Variants in RBM33 observed in about 807,000 individuals in gnomAD.
The protein encoded by RBM33 is RNA-binding protein 33.
In RBM33, 28 loss-of-function variants were observed where a neutral mutation model predicts 132.6. The observed-to-expected ratio is 0.21, with a 90% CI of 0.16 to 0.29. RBM33 has a LOEUF of 0.29. Among genes scored for constraint, RBM33 ranks in the 10% least tolerant of loss-of-function variants. RBM33 has a pLI of 1.00. For synonymous variants in RBM33, 634 were observed against 593.0 expected (o/e 1.07, Z -1.01); for missense variants, 1,291 against 1,518.5 (o/e 0.85, Z 2.49).
rs142890056 is a variant in RBM33 at position 155,726,183 on chromosome 7, A to G, written c.1260+7740A>G. 2.8e-3 allele frequency among the ~76,000 whole-genome samples: 421 copies of G among 152,350 alleles called. 1 individual carries two copies. The highest frequency in any genetic ancestry group is 0.01 in the Middle Eastern group (3 of 294). ...ATCTTGTAGAGATTGGTTGTAATGT[A>G]TTGAAAGATTCATGAAGTTTCAATG... is the stretch of plus-strand genomic sequence containing the variant. On this transcript the variant is annotated intron_variant, in intron 9 of 17. Transcript: ENST00000401878.
At chr7:155,703,089 CT>C (rs752838812) in intron 6 of RBM33, among the ~76,000 whole-genome samples, 6 of 152,128 alleles carry the variant, frequency 3.9e-5, no homozygotes, top group Non-Finnish European at 7.3e-5. Flanking sequence ...TTCATTGTCC[CT>C]CCACCCAACC....
At chr7:155,751,883 G>A (rs189568140) in intron 14 of RBM33, among the ~76,000 whole-genome samples, 12 of 152,318 alleles carry the variant, frequency 7.9e-5, no homozygotes, top group Admixed American at 7.2e-4. Context: ...AGCAGGCACT[G>A]AAGTTTTTCT....
intron 1 of RBM33, among the ~76,000 whole-genome samples, chr7:155,663,404 G>T (rs1798709921): frequency 6.6e-6 from 1 of 151,882 alleles, no homozygotes; most frequent in African/African-American, 2.4e-5. Flanking sequence ...TTTACTCATG[G>T]TGGAAGGCCA....
At chr7:155,743,290 G>A (rs946879093) in intron 13 of RBM33, among the ~76,000 whole-genome samples, 2 of 152,208 alleles carry the variant, frequency 1.3e-5, no homozygotes, top group African/African-American at 4.8e-5. Flanking sequence ...AGTGTATATA[G>A]CCAGCTCCTA....
chr7:155,700,988 A>C (rs1465034065), intron 6 of RBM33, 44 bp downstream of exon 6: 7 of 1,472,090 alleles, frequency 4.8e-6, no homozygotes, highest in Non-Finnish European at 6.6e-6. Context: ...CTCTCATTTC[A>C]ACTTCCTCCA....
At chr7:155,692,898 A>G (rs1040340631) in intron 5 of RBM33, among the ~76,000 whole-genome samples, 15 of 152,230 alleles carry the variant, frequency 9.9e-5, no homozygotes, top group Non-Finnish European at 1.9e-4. Flanking sequence ...AATGGAACCA[A>G]TGTATAAAAG....
At chr7:155,681,992 C>G (rs1428703187) in intron 5 of RBM33, among the ~76,000 whole-genome samples, 1 of 151,896 alleles carries the variant, frequency 6.6e-6, no homozygotes, top group African/African-American at 2.4e-5. Context: ...GCGATCTCCA[C>G]TCACTGCAAC....
chr7:155,745,907 G>C lies in RBM33; in HGVS notation c.2979+305G>C, dbSNP rs1212601585. Reference sequence around the variant, plus strand: ...ACAGCCTGTTGCTCCCTGGCCACAAGCCTGTGCAGCATGTTACTGTGCTGA... The same window carrying C: ...ACAGCCTGTTGCTCCCTGGCCACAACCCTGTGCAGCATGTTACTGTGCTGA... On this transcript the variant is annotated intron_variant, in intron 14 of 17. Transcript: ENST00000401878. The surrounding 1 kb of genome is among the most constrained non-coding windows in gnomAD (Gnocchi z 4.1). Among the ~76,000 whole-genome samples the C allele has an allele frequency of 1.3e-5, 2 of 152,206 alleles. No homozygotes were observed. The highest frequency in any genetic ancestry group is 2.9e-5 in the Non-Finnish European group (2 of 68,034).
At position 155,768,129 on chromosome 7, in the gene RBM33, C is replaced by T. The variant is rs79439757; in HGVS notation, c.3375+1474C>T. 9.8e-5 allele frequency among the ~76,000 whole-genome samples: 15 copies of T among 152,302 alleles called. No individual in the cohort carries two copies. The East Asian group carries it at 2.7e-3, about 27-fold the overall frequency. ...GTTGCACTGTTGTTTTCATATGTCACCTGCTACTTTTGTGGACTTTGCTTC... is the reference window on the plus strand; with the variant it reads ...GTTGCACTGTTGTTTTCATATGTCATCTGCTACTTTTGTGGACTTTGCTTC... On this transcript the variant is annotated intron_variant, in intron 16 of 17. Transcript: ENST00000401878.
chr7:155,724,993 TGTGTGTGTGTGTGTGTGTGTGTGTGTG>T (rs1800745393), intron 9 of RBM33, among the ~76,000 whole-genome samples: 2 of 94,896 alleles, frequency 2.1e-5, no homozygotes, highest in African/African-American at 8.1e-5. Flanking sequence ...TACAGGTTTG[TGTGTGTGTGTGTGTGTGTGTGTGTGTG>T]TGTGTGTGTG....
intron 9 of RBM33, among the ~76,000 whole-genome samples, chr7:155,721,610 A>T (rs1035084888): frequency 6.6e-6 from 1 of 152,084 alleles, no homozygotes; most frequent in African/African-American, 2.4e-5. Flanking sequence ...TTTGCTATTT[A>T]TGCTTAGTTT....
At chr7:155,725,776 C>G (rs1188603005) in intron 9 of RBM33, among the ~76,000 whole-genome samples, 10 of 152,286 alleles carry the variant, frequency 6.6e-5, no homozygotes, top group Non-Finnish European at 2.9e-5. Context: ...ACTGCTTGAA[C>G]CATTAACATT....
intron 9 of RBM33, among the ~76,000 whole-genome samples, chr7:155,737,245 C>CGTGTGTGTGT (rs1554481863): frequency 1.3e-5 from 2 of 149,262 alleles, no homozygotes; most frequent in East Asian, 2.0e-4. Flanking sequence ...TCTAGGTGCG[C>CGTGTGTGTGT]GTGTGTGTGT....
Position 155,774,790 on chromosome 7 carries a change from G to C in RBM33, c.3464+143G>C. Reference sequence around the variant, plus strand: ...CACTAGGGCACAAAGCGCAGACGGTGATCCTGTCATGAGGCGCGCGTCCTT... The same window carrying C: ...CACTAGGGCACAAAGCGCAGACGGTCATCCTGTCATGAGGCGCGCGTCCTT... On this transcript the variant is annotated intron_variant, in intron 17 of 17. Transcript: ENST00000401878. This position sits in a 1 kb window ranked among gnomAD's most constrained non-coding sequence, Gnocchi z 4.2. 8.5e-6 allele frequency: 7 copies of C among 824,832 alleles called. No individual in the cohort carries two copies. Among genetic ancestry groups the C allele is most frequent in the Non-Finnish European group, 1.4e-5 (7 of 491,046 alleles). 51.1% of individuals were successfully genotyped at this position (824,832 alleles called of 1,614,324 possible).
At position 155,775,134 on chromosome 7, in the gene RBM33, G is replaced by C. The variant is rs780525163; in HGVS notation, c.*93G>C. On this transcript the variant is annotated 3_prime_UTR_variant, in exon 18 of 18. Coordinates refer to ENST00000401878, the MANE Select transcript of RBM33 (RefSeq NM_053043.3). ...CCGGCGCAGAACCCCCAGGAGCACA[G>C]GTCTCTCCGGGCCGCTGTCCTGCGT... 1.6e-5 allele frequency: 17 copies of C among 1,092,340 alleles called. No individual in the cohort carries two copies. The South Asian group carries it at 2.0e-4, about 13-fold the overall frequency. The allele number at this position is 1,092,340 out of a possible 1,614,324, so 67.7% of individuals were successfully genotyped here.
At chr7:155,684,701 AGCCCACG>A (rs1453518569) in intron 5 of RBM33, among the ~76,000 whole-genome samples, 1 of 152,288 alleles carries the variant, frequency 6.6e-6, no homozygotes, top group East Asian at 1.9e-4. Context: ...TTTGAAGCAG[AGCCCACG>A]GCACTTGCTC....
chr7:155,701,047 A>G (rs1161606382), intron 6 of RBM33, 103 bp downstream of exon 6: 1 of 1,019,268 alleles, frequency 9.8e-7, no homozygotes, highest in Admixed American at 2.0e-5. Flanking sequence ...TGACTAGGTA[A>G]TTGCGGCTGC....
At chr7:155,703,606 C>A (rs930397678) in intron 6 of RBM33, among the ~76,000 whole-genome samples, 1 of 152,146 alleles carries the variant, frequency 6.6e-6, no homozygotes, top group Non-Finnish European at 1.5e-5. Flanking sequence ...TTTTTCCCAA[C>A]ACAAAGGAGG....
At chr7:155,737,151 A>G (rs35037472) in intron 9 of RBM33, among the ~76,000 whole-genome samples, 36,916 of 152,140 alleles carry the variant, frequency 0.24, 4,774 homozygotes, top group African/African-American at 0.33. Context: ...TACAGTATTC[A>G]GTACAGTAAC....
Sources: allele counts gnomAD v4.1 joint callset (sites outside exome capture counted in the v4.1 genomes callset), GRCh38; gene constraint gnomAD v4.1.1; non-coding constraint Gnocchi (gnomAD v3.1); transcripts MANE v1.5; gene names NCBI Gene and HGNC (gene_info 2026-07-23, HGNC 2026-07-21).